Variants in MGAT5 observed in about 807,000 individuals in gnomAD.
MGAT5 encodes the protein alpha-1,6-mannosylglycoprotein 6-beta-N-acetylglucosaminyltransferase.
Under a neutral mutation model 94.3 loss-of-function variants are expected in MGAT5, and 30 were observed. The ratio of observed to expected loss-of-function variants is 0.32; its 90% CI spans 0.24 to 0.43. The LOEUF (loss-of-function observed/expected upper bound fraction) is 0.43. Ranked by LOEUF, MGAT5 falls within the 20% of genes least tolerant of loss-of-function variation. The probability of loss-of-function intolerance (pLI) is 1.00; values close to 1 mark genes in which losing one functional copy is unlikely to be tolerated. For missense variants in MGAT5, 691 were observed against 905.5 expected, an observed-to-expected ratio of 0.76 and a Z score of 3.04; for synonymous variants, 310 against 322.9, an observed-to-expected ratio of 0.96 and a Z score of 0.43.
intron 12 of MGAT5, among the ~76,000 whole-genome samples, chr2:134,416,071 T>C (rs2106339894): frequency 6.6e-6 from 1 of 152,336 alleles, no homozygotes; most frequent in East Asian, 1.9e-4. Context: ...ATGCCCAAAT[T>C]GTAGATATTA....
At chr2:134,408,741 A>G (rs901202802) in intron 11 of MGAT5, among the ~76,000 whole-genome samples, 2 of 152,224 alleles carry the variant, frequency 1.3e-5, no homozygotes. Flanking sequence ...GCAGATGGCC[A>G]GGGAGGGACC....
intron 15 of MGAT5, among the ~76,000 whole-genome samples, chr2:134,447,353 C>A (rs143881650): frequency 6.6e-6 from 1 of 152,170 alleles, no homozygotes; most frequent in Admixed American, 6.5e-5. Context: ...AGGGTGATGA[C>A]GACAATGACC....
chr2:134,389,544 A>G (rs1330232740), intron 10 of MGAT5, among the ~76,000 whole-genome samples: 7 of 152,240 alleles, frequency 4.6e-5, no homozygotes, highest in Non-Finnish European at 1.5e-5. Flanking sequence ...CCAACCAGCT[A>G]GATAGGTTCC....
intron 4 of MGAT5, among the ~76,000 whole-genome samples, chr2:134,325,790 T>C (rs1033672636): frequency 6.6e-5 from 10 of 152,244 alleles, no homozygotes; most frequent in Admixed American, 2.0e-4. Flanking sequence ...TTCCGTCTCT[T>C]ACTTTTCCTC....
At chr2:134,357,433 G>T (rs1679817155) in intron 9 of MGAT5, among the ~76,000 whole-genome samples, 1 of 152,140 alleles carries the variant, frequency 6.6e-6, no homozygotes, top group Non-Finnish European at 1.5e-5. Context: ...CAAAAATTTT[G>T]CCTGGCAAAA....
At chr2:134,162,526 G>A (rs1367688017) in intron 1 of MGAT5, among the ~76,000 whole-genome samples, 2 of 152,318 alleles carry the variant, frequency 1.3e-5, no homozygotes, top group African/African-American at 2.4e-5. Flanking sequence ...GTCCTTAGAC[G>A]AATCCTTTGA....
intron 4 of MGAT5, among the ~76,000 whole-genome samples, chr2:134,320,951 T>C (rs1314989215): frequency 1.3e-5 from 2 of 152,178 alleles, no homozygotes; most frequent in African/African-American, 4.8e-5. Flanking sequence ...GGTTGTTCCA[T>C]TGCCATCATG....
At chr2:134,348,557 A>T (rs917289248) in intron 8 of MGAT5, among the ~76,000 whole-genome samples, 2 of 152,212 alleles carry the variant, frequency 1.3e-5, no homozygotes, top group African/African-American at 4.8e-5. Context: ...CCTGAATCAT[A>T]CATTGAAGTG....
At chr2:134,386,190 G>A (rs1681961901) in intron 10 of MGAT5, among the ~76,000 whole-genome samples, 1 of 152,194 alleles carries the variant, frequency 6.6e-6, no homozygotes, top group South Asian at 2.1e-4. Flanking sequence ...GCATCAGGAT[G>A]AGAAGCTGTC....
intron 10 of MGAT5, among the ~76,000 whole-genome samples, chr2:134,388,519 C>T (rs561494427): frequency 8.6e-5 from 13 of 151,734 alleles, no homozygotes; most frequent in Non-Finnish European, 1.8e-4. Flanking sequence ...GTTCAGATTT[C>T]TTAGATTGTC....
At chr2:134,388,236 A>T (rs62171360) in intron 10 of MGAT5, among the ~76,000 whole-genome samples, 31,226 of 152,068 alleles carry the variant, frequency 0.21, 3,518 homozygotes, top group East Asian at 0.47. Flanking sequence ...TTTGCCACGA[A>T]ACATTTCTAA....
At chr2:134,179,507 G>A (rs1688634243) in intron 1 of MGAT5, among the ~76,000 whole-genome samples, 1 of 152,140 alleles carries the variant, frequency 6.6e-6, no homozygotes, top group Non-Finnish European at 1.5e-5. Flanking sequence ...CACTAATTCA[G>A]TGTTTGCAGA....
intron 10 of MGAT5, among the ~76,000 whole-genome samples, chr2:134,370,729 A>G (rs1217524900): frequency 6.6e-6 from 1 of 152,274 alleles, no homozygotes; most frequent in Non-Finnish European, 1.5e-5. Context: ...TCTAAATTCA[A>G]GGATAAGATT....
intron 1 of MGAT5, among the ~76,000 whole-genome samples, chr2:134,131,557 G>C (rs1328501922): frequency 7.0e-6 from 1 of 142,790 alleles, no homozygotes; most frequent in Non-Finnish European, 1.5e-5. Flanking sequence ...ATAAATATTT[G>C]CCTGTGGTAG....
intron 6 of MGAT5, among the ~76,000 whole-genome samples, chr2:134,339,110 G>C (rs1470997932): frequency 6.6e-6 from 1 of 152,116 alleles, no homozygotes; most frequent in African/African-American, 2.4e-5. Context: ...TGATATGTTT[G>C]AAAAAGAAAA....
At chr2:134,224,947 T>G (rs992240021) in intron 1 of MGAT5, among the ~76,000 whole-genome samples, 5 of 151,608 alleles carry the variant, frequency 3.3e-5, no homozygotes, top group Non-Finnish European at 5.9e-5. Flanking sequence ...AGGTGTGGTG[T>G]TGTGCACCTG....
At chr2:134,178,164 G>T (rs931160198) in intron 1 of MGAT5, among the ~76,000 whole-genome samples, 2 of 152,000 alleles carry the variant, frequency 1.3e-5, no homozygotes, top group African/African-American at 2.4e-5. Context: ...AAACTTTTAG[G>T]CTGTAAAAAC....
chr2:134,360,710 C>A lies in MGAT5; in HGVS notation c.1247-1565C>A, dbSNP rs544602191. Among the ~76,000 whole-genome samples, 7 of 152,326 alleles carry A rather than the reference C, an allele frequency of 4.6e-5. No individual in the cohort carries two copies. In the East Asian group the frequency reaches 1.4e-3, roughly 29 times the overall value. ...GCTAATCCTTGAAAATTCCCTATGC[C>A]CTCAGCTTCTCAAAAGGGGGGAGAA... On this transcript the variant is annotated intron_variant, in intron 9 of 15. Transcript: ENST00000281923.
intron 9 of MGAT5, among the ~76,000 whole-genome samples, chr2:134,354,268 G>C (rs1679578423): frequency 1.3e-5 from 2 of 152,136 alleles, no homozygotes; most frequent in African/African-American, 4.8e-5. Context: ...TCTACTGATG[G>C]AATGCACAGT....
Sources: allele counts gnomAD v4.1 joint callset (sites outside exome capture counted in the v4.1 genomes callset), GRCh38; gene constraint gnomAD v4.1.1; transcripts MANE v1.5; gene names NCBI Gene and HGNC (gene_info 2026-07-23, HGNC 2026-07-21).